The following ARID4B variants were observed in gnomAD, a reference collection of about 807,000 sequenced individuals.
ARID4B encodes AT-rich interaction domain 4B.
In ARID4B, 26 loss-of-function variants were observed where a neutral mutation model predicts 147.5. That is an observed-to-expected ratio of 0.18 (90% CI 0.13 to 0.24). ARID4B has a LOEUF of 0.24. Among genes scored for constraint, ARID4B ranks in the 10% least tolerant of loss-of-function variants. ARID4B has a pLI of 1.00. For missense variants in ARID4B, 1,179 were observed against 1,511.5 expected, an observed-to-expected ratio of 0.78 and a Z score of 3.65; for synonymous variants, 512 against 507.9, an observed-to-expected ratio of 1.01 and a Z score of -0.11.
chr1:235,242,126 T>TA (rs1435037421), intron 7 of ARID4B, among the ~76,000 whole-genome samples: 1 of 151,760 alleles, frequency 6.6e-6, no homozygotes, highest in Admixed American at 6.6e-5. Context: ...CGGGTGCCTG[T>TA]AATCCCAGCT....
chr1:235,258,076 A>G (rs1009315935), intron 3 of ARID4B, among the ~76,000 whole-genome samples: 1 of 152,164 alleles, frequency 6.6e-6, no homozygotes, highest in African/African-American at 2.4e-5. Context: ...TCATCCCTGT[A>G]ATCCCAGCAC....
chr1:235,222,084 A>AT (rs1667512603), intron 13 of ARID4B, among the ~76,000 whole-genome samples: 2 of 151,398 alleles, frequency 1.3e-5, no homozygotes, highest in Admixed American at 6.6e-5. Flanking sequence ...TAATTAAAAA[A>AT]TTTTTTTTGT....
At chr1:235,236,862 ATTTTTTTTTTTTT>A (rs869157061) in intron 8 of ARID4B, among the ~76,000 whole-genome samples, 7 of 17,490 alleles carry the variant, frequency 4.0e-4, no homozygotes, top group African/African-American at 1.3e-3. Context: ...ATATATATAT[ATTTTTTTTTTTTT>A]TTTTTTTTTT....
At chr1:235,325,430 C>T (rs952607688) in intron 2 of ARID4B, among the ~76,000 whole-genome samples, 2 of 151,794 alleles carry the variant, frequency 1.3e-5, no homozygotes, top group Non-Finnish European at 2.9e-5. Context: ...AACTTAACTA[C>T]ATTTCTTTTA....
rs374681138 is a variant in ARID4B at position 235,209,563 on chromosome 1, G to GTTTTTTTT, written c.1841+4205_1841+4206insAAAAAAAA. Among the ~76,000 whole-genome samples the GTTTTTTTT allele has an allele frequency of 1.5e-4, 20 of 137,134 alleles. 1 individual carries two copies. Among genetic ancestry groups the GTTTTTTTT allele is most frequent in the African/African-American group, 4.0e-4 (14 of 35,044 alleles). The allele number at this position is 137,134 out of a possible 152,430, so 90.0% of individuals were successfully genotyped here. A position where few individuals can be genotyped will look rare whatever the true frequency, so the allele number is the denominator to read the frequency against. On this transcript the variant is annotated intron_variant, in intron 17 of 23. Coordinates refer to ENST00000264183, the MANE Select transcript of ARID4B (RefSeq NM_016374.6). ...AAGAAAATTGATTTTTTTGTTTTTT[G>GTTTTTTTT]TTTTGTTTTTTTTTTTTTGAGATGG...
intron 3 of ARID4B, among the ~76,000 whole-genome samples, chr1:235,258,661 G>A (rs1312422453): frequency 6.6e-6 from 1 of 152,158 alleles, no homozygotes; most frequent in Non-Finnish European, 1.5e-5. Context: ...AGGTATATGT[G>A]ATAATTATTT....
intron 4 of ARID4B, among the ~76,000 whole-genome samples, chr1:235,256,280 T>C (rs1449917979): frequency 4.0e-5 from 6 of 151,750 alleles, no homozygotes; most frequent in African/African-American, 1.5e-4. Context: ...AGTACTATTA[T>C]AAAGTTTTAC....
At chr1:235,193,943 T>A in intron 19 of ARID4B, 70 bp downstream of exon 19, 1 of 1,224,086 alleles carries the variant, frequency 8.2e-7, no homozygotes, top group Non-Finnish European at 1.2e-6. Flanking sequence ...TGTCACTGAA[T>A]TACCTTTATA....
chr1:235,222,192 A>AT lies in ARID4B; in HGVS notation c.1066-531dup, dbSNP rs373217466. On this transcript the variant is annotated intron_variant, in intron 13 of 23. Coordinates refer to ENST00000264183, the MANE Select transcript of ARID4B (RefSeq NM_016374.6). ...CTCCCAAAGTGCTGAGATTACAGGC[A>AT]TGAGTCACCATAACTGGCCCCATTT... 2.0e-3 allele frequency among the ~76,000 whole-genome samples: 307 copies of AT among 152,208 alleles called. 2 individuals carry two copies. Among genetic ancestry groups the AT allele is most frequent in the African/African-American group, 7.1e-3 (296 of 41,518 alleles).
At chr1:235,250,460 T>C (rs1367875840) in intron 6 of ARID4B, among the ~76,000 whole-genome samples, 2 of 152,358 alleles carry the variant, frequency 1.3e-5, no homozygotes, top group East Asian at 1.9e-4. Context: ...GGGCTTAATA[T>C]ACTCAAATTT....
In ARID4B at chr1:235,236,833, A is replaced by ATAT. The variant is rs1668597409; in HGVS notation, c.586-2342_586-2341insATA. Among the ~76,000 whole-genome samples, 79 of 33,508 alleles carry ATAT rather than the reference A, an allele frequency of 2.4e-3. 10 individuals are homozygous for ATAT. Among genetic ancestry groups the ATAT allele is most frequent in the Middle Eastern group, 0.033 (1 of 30 alleles). 22.0% of individuals were successfully genotyped at this position (33,508 alleles called of 152,430 possible). ...TGGCCCACAAAACGGTTTTATAAAA[A>ATAT]ATATATATATATATATATATATATA... On this transcript the variant is annotated intron_variant, in intron 8 of 23. Coordinates refer to ENST00000264183, the MANE Select transcript of ARID4B (RefSeq NM_016374.6).
intron 2 of ARID4B, among the ~76,000 whole-genome samples, chr1:235,288,835 A>C (rs1672148107): frequency 6.6e-6 from 1 of 152,210 alleles, no homozygotes; most frequent in East Asian, 1.9e-4. Context: ...AAAGGCCAAC[A>C]CATAATGAAA....
At chr1:235,223,354 T>C (rs1667591391) in intron 12 of ARID4B, 94 bp from the exon 13 acceptor site, 3 of 385,252 alleles carry the variant, frequency 7.8e-6, no homozygotes, top group African/African-American at 2.3e-5. Flanking sequence ...TATAGTATTT[T>C]ATATATATAT....
intron 20 of ARID4B, 96 bp downstream of exon 20, chr1:235,181,489 A>T: frequency 7.0e-7 from 1 of 1,429,262 alleles, no homozygotes; most frequent in Non-Finnish European, 9.4e-7. Flanking sequence ...TATGACACTT[A>T]ATCGCCTCAG....
At chr1:235,302,220 G>A (rs547522717) in intron 2 of ARID4B, among the ~76,000 whole-genome samples, 21 of 140,150 alleles carry the variant, frequency 1.5e-4, no homozygotes, top group Admixed American at 3.6e-4. Context: ...AAGGGAAGGG[G>A]AAGGGAAAGG....
chr1:235,267,822 T>C (rs1670709790), intron 2 of ARID4B, among the ~76,000 whole-genome samples: 2 of 151,746 alleles, frequency 1.3e-5, no homozygotes, highest in African/African-American at 4.8e-5. Context: ...GAGAATGGCA[T>C]GAACCTGGGA....
chr1:235,229,008 G>T, intron 11 of ARID4B: 1 of 482,874 alleles, frequency 2.1e-6, no homozygotes, highest in Non-Finnish European at 3.5e-6. Context: ...ATGTTTTTGA[G>T]GTTATTAGGA....
intron 2 of ARID4B, among the ~76,000 whole-genome samples, chr1:235,277,917 T>A (rs1671443367): frequency 6.6e-6 from 1 of 152,132 alleles, no homozygotes; most frequent in Non-Finnish European, 1.5e-5. Flanking sequence ...TACTGGTAGG[T>A]CACAGTGGTA....
intron 7 of ARID4B, among the ~76,000 whole-genome samples, chr1:235,243,219 T>C (rs1392318121): frequency 6.6e-6 from 1 of 152,166 alleles, no homozygotes; most frequent in Non-Finnish European, 1.5e-5. Flanking sequence ...TGATTTTTAT[T>C]CTAAAATCAC....
Sources: allele counts gnomAD v4.1 joint callset (sites outside exome capture counted in the v4.1 genomes callset), GRCh38; gene constraint gnomAD v4.1.1; transcripts MANE v1.5; gene names NCBI Gene and HGNC (gene_info 2026-07-23, HGNC 2026-07-21).